The following CRYBG1 variants were observed in gnomAD, a reference collection of about 807,000 sequenced individuals.
CRYBG1 encodes crystallin beta-gamma domain containing 1, also known as beta/gamma crystallin domain-containing protein 1.
Under a neutral mutation model 189.2 loss-of-function variants are expected in CRYBG1, and 139 were observed. The observed-to-expected ratio is 0.73, with a 90% confidence interval of 0.64 to 0.85. CRYBG1 has a LOEUF of 0.85. Among genes scored for constraint, CRYBG1 ranks in the 40% least tolerant of loss-of-function variants. CRYBG1 has a pLI of 0.00. For missense variants in CRYBG1, 2,611 were observed against 2,675.8 expected, an observed-to-expected ratio of 0.98 and a Z score of 0.53; for synonymous variants, 1,023 against 1,017.1, an observed-to-expected ratio of 1.01 and a Z score of -0.11.
chr6:106,527,925 C>G (rs1188732118), intron 7 of CRYBG1, among the ~76,000 whole-genome samples: 1 of 152,136 alleles, frequency 6.6e-6, no homozygotes, highest in Non-Finnish European at 1.5e-5. Context: ...ATTATTTACT[C>G]TATTTGAGGC....
intron 2 of CRYBG1, among the ~76,000 whole-genome samples, chr6:106,480,375 A>C (rs1772421146): frequency 6.6e-6 from 1 of 152,040 alleles, no homozygotes; most frequent in Non-Finnish European, 1.5e-5. Flanking sequence ...ATATTAAAAG[A>C]AATTGTGGGC....
In CRYBG1 at chr6:106,501,908, A is replaced by G. The variant is rs569304552; in HGVS notation, c.313-9522A>G. 2.6e-5 allele frequency among the ~76,000 whole-genome samples: 4 copies of G among 152,336 alleles called. No individual in the cohort carries two copies. In the East Asian group the frequency reaches 7.7e-4, roughly 29 times the overall value. ...AAATCCACACTTACAAACATGGCTAAACTGACCTGAAGTTATGAGGTCTCA... is the reference window on the plus strand; with the variant it reads ...AAATCCACACTTACAAACATGGCTAGACTGACCTGAAGTTATGAGGTCTCA... On this transcript the variant is annotated intron_variant, in intron 2 of 21. Transcript: ENST00000633556.
chr6:106,451,835 A>G lies in CRYBG1; in HGVS notation c.312+3A>G, dbSNP rs1192967642. 3 of 1,533,468 alleles carry G rather than the reference A, an allele frequency of 2.0e-6. No individual in the cohort carries two copies. Among genetic ancestry groups the G allele is most frequent in the Non-Finnish European group, 2.6e-6 (3 of 1,145,766 alleles). 95.0% of individuals were successfully genotyped at this position (1,533,468 alleles called of 1,614,324 possible). A position where few individuals can be genotyped will look rare whatever the true frequency, so the allele number is the denominator to read the frequency against. ...TAGAGTCTGGAATATTTAAAAAGGT[A>G]ATGCTTCATTTCTAATGTTTGACTC... On this transcript the variant is annotated splice_donor_region_variant and intron_variant, in intron 2 of 21. Transcript: ENST00000633556.
chr6:106,402,852 G>A (rs1770747492), intron 1 of CRYBG1, among the ~76,000 whole-genome samples: 1 of 152,058 alleles, frequency 6.6e-6, no homozygotes, highest in East Asian at 1.9e-4. Flanking sequence ...GTGAGGGGAG[G>A]GTGGGGGAAG....
At chr6:106,362,130 C>T (rs1304895021) in intron 1 of CRYBG1, among the ~76,000 whole-genome samples, 3 of 82,682 alleles carry the variant, frequency 3.6e-5, no homozygotes, top group Admixed American at 1.2e-4. Flanking sequence ...CCACCACGCC[C>T]GGCTAATTTT....
intron 1 of CRYBG1, among the ~76,000 whole-genome samples, chr6:106,424,547 C>T (rs186574070): frequency 4.6e-5 from 7 of 152,192 alleles, no homozygotes; most frequent in East Asian, 3.9e-4. Flanking sequence ...CTGCAACCTC[C>T]GCCTCCCAGG....
At chr6:106,560,206 G>T (rs780062928) in intron 18 of CRYBG1, among the ~76,000 whole-genome samples, 1 of 151,736 alleles carries the variant, frequency 6.6e-6, no homozygotes, top group Non-Finnish European at 1.5e-5. Flanking sequence ...TTTTATCCAG[G>T]ATTTAAGTTC....
Position 106,513,052 on chromosome 6 carries a change from G to T in CRYBG1, c.1922+13G>T. The T allele has an allele frequency of 6.3e-7, 1 of 1,592,130 alleles. No individual in the cohort carries two copies. Among genetic ancestry groups the T allele is most frequent in the Non-Finnish European group, 8.5e-7 (1 of 1,176,110 alleles). On this transcript the variant is annotated intron_variant, in intron 3 of 21. Transcript: ENST00000633556. ...CTAAAGTGACCCTGTAAGTAGCCGC[G>T]CAAGTCCCGGCCGAGTTGCTGTCCG...
rs184956885 is a variant in CRYBG1, at chr6:106,381,657, C to G, written c.173+20576C>G. Among the ~76,000 whole-genome samples, 22 of 152,316 alleles carry G rather than the reference C, an allele frequency of 1.4e-4. 1 individual carries two copies. Among genetic ancestry groups the G allele is most frequent in the Admixed American group, 1.3e-3 (20 of 15,286 alleles). On this transcript the variant is annotated intron_variant, in intron 1 of 21. Transcript: ENST00000633556. ...TAGAGGTTGATCCTCTTGGGAAATT[C>G]TGGATACCATTGCAGAACTCAGAAC...
chr6:106,495,234 G>C (rs559337376), intron 2 of CRYBG1, among the ~76,000 whole-genome samples: 7 of 152,314 alleles, frequency 4.6e-5, no homozygotes, highest in Admixed American at 3.9e-4. Flanking sequence ...CTCTGGGAGA[G>C]AGCAGCACTG....
At chr6:106,424,860 A>G (rs1036638955) in intron 1 of CRYBG1, among the ~76,000 whole-genome samples, 1 of 152,056 alleles carries the variant, frequency 6.6e-6, no homozygotes, top group Non-Finnish European at 1.5e-5. Context: ...TGTCATTGGC[A>G]TCTTCACCCT....
chr6:106,552,004 A>T, intron 14 of CRYBG1, 26 bp downstream of exon 14: 1 of 1,569,938 alleles, frequency 6.4e-7, no homozygotes, highest in Middle Eastern at 1.7e-4. Flanking sequence ...TTTGTATGAG[A>T]ATATTTAACT....
In CRYBG1 at chr6:106,551,952, A is replaced by T. The variant is rs200738699; in HGVS notation, c.5413A>T (p.Ile1805Phe). The change falls in exon 14 of 22, where the codon ATC becomes TTC. Residue 1805 changes from isoleucine to phenylalanine, a missense_variant. By Grantham distance (21) the Ile-to-Phe change is conservative (BLOSUM62 0). Around this residue, in one of 3 missense-constraint regions of CRYBG1, gnomAD observed 1,622 missense variants for 1,735.0 expected, o/e 0.93. Coordinates refer to ENST00000633556, the MANE Select transcript of CRYBG1 (RefSeq NM_001371242.2). ...GGACTGGGGAGGCAAAAATTGTAAGATCTCTTCTGTTCAACCTATATGTTT... is the reference window on the plus strand; with the variant it reads ...GGACTGGGGAGGCAAAAATTGTAAGTTCTCTTCTGTTCAACCTATATGTTT... ...FEDWGGKNCK[I>F]SSVQPICLDS... The T allele has an allele frequency of 5.6e-6, 9 of 1,609,670 alleles. No individual in the cohort carries two copies. The highest frequency in any genetic ancestry group is 7.6e-6 in the Non-Finnish European group (9 of 1,176,614).
Position 106,363,231 on chromosome 6 carries a change from G to A in CRYBG1, c.173+2150G>A, listed in dbSNP as rs1246984001. ...TGCACTCCAGCCTGGGCGACAGAGC[G>A]AAACTCCGTCTCAAAAAAAAAAAAA... On this transcript the variant is annotated intron_variant, in intron 1 of 21. Transcript: ENST00000633556. Among the ~76,000 whole-genome samples the A allele has an allele frequency of 1.8e-4, 18 of 101,994 alleles. No individual in the cohort carries two copies. In the South Asian group the frequency reaches 2.9e-3, roughly 16 times the overall value. 66.9% of individuals were successfully genotyped at this position (101,994 alleles called of 152,430 possible). A position where few individuals can be genotyped will look rare whatever the true frequency, so the allele number is the denominator to read the frequency against.
intron 1 of CRYBG1, among the ~76,000 whole-genome samples, chr6:106,429,967 G>T (rs1417344336): frequency 6.6e-6 from 1 of 152,030 alleles, no homozygotes; most frequent in African/African-American, 2.4e-5. Context: ...AATAGTAAGA[G>T]ATCAATTCAG....
chr6:106,374,111 C>T (rs542222833), intron 1 of CRYBG1, among the ~76,000 whole-genome samples: 1 of 152,202 alleles, frequency 6.6e-6, no homozygotes, highest in African/African-American at 2.4e-5. Context: ...TATGTGAGGC[C>T]CTGGAGTGTG....
At chr6:106,535,519 T>C (rs934362808) in intron 8 of CRYBG1, among the ~76,000 whole-genome samples, 1 of 152,126 alleles carries the variant, frequency 6.6e-6, no homozygotes, top group Non-Finnish European at 1.5e-5. Flanking sequence ...CTAATGGTAT[T>C]CCCCTGCATA....
In CRYBG1 at chr6:106,525,078, G is replaced by A; in HGVS notation, c.4246-55G>A. 3.8e-6 allele frequency: 6 copies of A among 1,582,936 alleles called. No homozygotes were observed. In the Admixed American group the frequency reaches 8.3e-5, roughly 22 times the overall value. ...CTACAGGATCGTGGGTGGAAAAAGA[G>A]GATCGTTATGTGAAGTTGTAATTAT... On this transcript the variant is annotated intron_variant, in intron 4 of 21. Transcript: ENST00000633556.
chr6:106,361,953 T>TTTTC (rs1229504243), intron 1 of CRYBG1, among the ~76,000 whole-genome samples: 1 of 89,132 alleles, frequency 1.1e-5, no homozygotes, highest in Admixed American at 1.2e-4. Flanking sequence ...ATGGTTTTCC[T>TTTTC]TTTATTTCTT....
Sources: gnomAD v4.1 joint callset for allele counts (sites outside exome capture counted in the v4.1 genomes callset) on GRCh38, gnomAD v4.1.1 for gene constraint, gnomAD v4.1.1 regional missense constraint, MANE v1.5 for transcripts, NCBI Gene and HGNC (gene_info 2026-07-23, HGNC 2026-07-21) for gene names.